AHI1: variants seen among roughly 807,000 people sequenced by gnomAD.
The protein encoded by AHI1 is jouberin.
AHI1 carries 123 observed loss-of-function variants against 149.3 expected under a neutral mutation model. That is an observed-to-expected ratio of 0.82 (90% CI 0.71 to 0.96). AHI1 has a LOEUF of 0.96. Among genes scored for constraint, AHI1 ranks in the 40% least tolerant of loss-of-function variants. AHI1 has a pLI of 0.00. For synonymous variants in AHI1, 475 were observed against 459.8 expected (o/e 1.03, Z -0.42); for missense variants, 1,439 against 1,422.7 (o/e 1.01, Z -0.18).
chr6:135,494,912 G>C (rs371772618), intron 3 of AHI1, among the ~76,000 whole-genome samples: 2 of 152,186 alleles, frequency 1.3e-5, no homozygotes, highest in East Asian at 3.8e-4. Context: ...AGGTTTTGAA[G>C]AAAGTCCACT....
intron 11 of AHI1, among the ~76,000 whole-genome samples, chr6:135,449,193 T>C (rs1272251648): frequency 6.6e-6 from 1 of 151,946 alleles, no homozygotes; most frequent in Non-Finnish European, 1.5e-5. Flanking sequence ...GGATTACAGG[T>C]GCATGCCACC....
At chr6:135,327,180 C>G (rs910311321) in intron 24 of AHI1, among the ~76,000 whole-genome samples, 6 of 152,186 alleles carry the variant, frequency 3.9e-5, no homozygotes, top group African/African-American at 1.4e-4. Flanking sequence ...TAGGGCAGCC[C>G]TAGCAGGCTA....
chr6:135,460,992 A>G (rs1370836008), intron 8 of AHI1, among the ~76,000 whole-genome samples: 1 of 152,176 alleles, frequency 6.6e-6, no homozygotes, highest in Non-Finnish European at 1.5e-5. Flanking sequence ...AACTTTTAGA[A>G]AAATATCTTC....
intron 26 of AHI1, chr6:135,300,948 T>C (rs867569441): frequency 2.0e-6 from 2 of 988,216 alleles, no homozygotes; most frequent in Non-Finnish European, 2.4e-6. Flanking sequence ...GTATACTCTA[T>C]ATTTTCATAG....
Position 135,407,110 on chromosome 6 carries a change from G to A in AHI1, c.2962-2133C>T, listed in dbSNP as rs1031268907. ...CTAAATGGTAATGCTCCCAATAACC[G>A]ACAATTATCTATTTTTTGTATCTTT... On this transcript the variant is annotated intron_variant, in intron 21 of 28. Transcript: ENST00000265602. Among the ~76,000 whole-genome samples the A allele has an allele frequency of 2.6e-5, 4 of 152,022 alleles. No individual in the cohort carries two copies. The East Asian group carries it at 7.7e-4, about 29-fold the overall frequency.
In AHI1 at chr6:135,494,651, T is replaced by C. The variant is rs377338856; in HGVS notation, c.-55+1163A>G. 5.9e-5 allele frequency among the ~76,000 whole-genome samples: 9 copies of C among 152,212 alleles called. No individual in the cohort carries two copies. In the East Asian group the frequency reaches 1.2e-3, roughly 19 times the overall value. On this transcript the variant is annotated intron_variant, in intron 3 of 28. Coordinates refer to ENST00000265602, the MANE Select transcript of AHI1 (RefSeq NM_001134831.2). ...ACTGTCACGTGTGTGTGTGTTTACG[T>C]ATATAATCATATTATGTTTGTTAGG...
intron 7 of AHI1, among the ~76,000 whole-genome samples, chr6:135,465,495 G>GT (rs1340064831): frequency 6.6e-6 from 1 of 152,182 alleles, no homozygotes; most frequent in Non-Finnish European, 1.5e-5. Context: ...GAAAGCAGAT[G>GT]TAAGTGAGTA....
chr6:135,380,011 CCCTCCTTCCTTCCTTCCTT>C (rs1776492875), intron 23 of AHI1, among the ~76,000 whole-genome samples: 2 of 114,718 alleles, frequency 1.7e-5, no homozygotes, highest in African/African-American at 6.7e-5. Flanking sequence ...CCCTCTTCCT[CCCTCCTTCCTTCCTTCCTT>C]CCTCCCTCCC....
intron 3 of AHI1, among the ~76,000 whole-genome samples, chr6:135,494,388 T>C (rs1018114839): frequency 6.6e-6 from 1 of 150,938 alleles, no homozygotes; most frequent in Non-Finnish European, 1.5e-5. Context: ...TTGAGTTGGG[T>C]ATCTGAAGGG....
rs371308935 is a variant in AHI1, at chr6:135,427,335, T to C, written c.2624-28A>G. ...AAATAAAAAGAGAGATTCAAAAATG[T>C]ATATCAGAGCATATCTGTATCGATA... On this transcript the variant is annotated intron_variant, in intron 19 of 28. Coordinates refer to ENST00000265602, the MANE Select transcript of AHI1 (RefSeq NM_001134831.2). 5 of 1,588,728 alleles carry C rather than the reference T, an allele frequency of 3.1e-6. No homozygotes were observed. In the African/African-American group the frequency reaches 6.7e-5, roughly 21 times the overall value.
At chr6:135,389,841 C>T (rs961358419) in intron 23 of AHI1, among the ~76,000 whole-genome samples, 1 of 152,136 alleles carries the variant, frequency 6.6e-6, no homozygotes, top group Non-Finnish European at 1.5e-5. Flanking sequence ...ACACTTCCTG[C>T]TAATTTCTCT....
chr6:135,432,864 C>G (rs1784860683), intron 16 of AHI1, among the ~76,000 whole-genome samples, 163 bp downstream of exon 16: 1 of 152,054 alleles, frequency 6.6e-6, no homozygotes, highest in Non-Finnish European at 1.5e-5. Context: ...AAATTACAAA[C>G]AGAAGTCCCT....
intron 27 of AHI1, among the ~76,000 whole-genome samples, chr6:135,291,581 G>GC (rs1782359361): frequency 6.6e-6 from 1 of 152,116 alleles, no homozygotes; most frequent in African/African-American, 2.4e-5. Flanking sequence ...GGGACTTCTA[G>GC]CCCCCAGAAC....
intron 23 of AHI1, among the ~76,000 whole-genome samples, chr6:135,372,508 G>GA (rs1212767738): frequency 8.3e-5 from 8 of 96,226 alleles, no homozygotes; most frequent in Non-Finnish European, 1.4e-4. Context: ...GTCTCTACCG[G>GA]AAAAAAAAAG....
At position 135,310,303 on chromosome 6, in the gene AHI1, T is replaced by C. The variant is rs1785023383; in HGVS notation, c.3426+8216A>G. Reference sequence around the variant, plus strand: ...TTATACAGCACAATTATTAGATACTTTGAAGACTAAGAAAAACACATGCAC... The same window carrying C: ...TTATACAGCACAATTATTAGATACTCTGAAGACTAAGAAAAACACATGCAC... On this transcript the variant is annotated intron_variant, in intron 26 of 28. Coordinates refer to ENST00000265602, the MANE Select transcript of AHI1 (RefSeq NM_001134831.2). Among the ~76,000 whole-genome samples the C allele has an allele frequency of 2.0e-5, 3 of 152,220 alleles. No homozygotes were observed. The South Asian group carries it at 6.2e-4, about 32-fold the overall frequency.
chr6:135,465,286 C>A (rs973170813), intron 7 of AHI1, among the ~76,000 whole-genome samples: 1 of 152,122 alleles, frequency 6.6e-6, no homozygotes, highest in Non-Finnish European at 1.5e-5. Context: ...TAACCTCACA[C>A]TCTATATAGA....
intron 27 of AHI1, chr6:135,297,344 T>C: frequency 2.3e-6 from 1 of 441,862 alleles, no homozygotes; most frequent in South Asian, 1.6e-5. Context: ...CTCCCCTCTC[T>C]TCATAGCCGT....
intron 24 of AHI1, among the ~76,000 whole-genome samples, chr6:135,346,082 T>C (rs905027427): frequency 6.6e-5 from 10 of 152,156 alleles, no homozygotes; most frequent in Non-Finnish European, 1.0e-4. Flanking sequence ...AAAGTATTGC[T>C]CATAAGACCA....
chr6:135,419,233 T>C (rs1015384340), intron 20 of AHI1, among the ~76,000 whole-genome samples: 1 of 152,104 alleles, frequency 6.6e-6, no homozygotes, highest in Non-Finnish European at 1.5e-5. Flanking sequence ...ATCTGGCAAA[T>C]TCATTAGCTG....
Sources: gnomAD v4.1 joint callset for allele counts (sites outside exome capture counted in the v4.1 genomes callset) on GRCh38, gnomAD v4.1.1 for gene constraint, MANE v1.5 for transcripts, NCBI Gene and HGNC (gene_info 2026-07-23, HGNC 2026-07-21) for gene names.